SMAP2: variants seen among roughly 807,000 people sequenced by gnomAD.
SMAP2 encodes small ArfGAP2, also known as stromal membrane-associated protein 2.
In SMAP2, 25 loss-of-function variants were observed where a neutral mutation model predicts 56.4. The ratio of observed to expected loss-of-function variants is 0.44; its 90% CI spans 0.32 to 0.62. The LOEUF (loss-of-function observed/expected upper bound fraction) is 0.62. SMAP2 is among the 20% of genes least tolerant of loss of function. SMAP2 has a pLI of 0.04. For missense variants in SMAP2, 388 were observed against 545.6 expected, an observed-to-expected ratio of 0.71 and a Z score of 2.88; for synonymous variants, 157 against 181.7, an observed-to-expected ratio of 0.86 and a Z score of 1.09.
intron 1 of SMAP2, among the ~76,000 whole-genome samples, chr1:40,353,365 A>T (rs1224791133): frequency 6.6e-6 from 1 of 152,130 alleles, no homozygotes; most frequent in African/African-American, 2.4e-5. Context: ...ATAGTCACCC[A>T]GAGGGCTTCT....
At chr1:40,376,051 A>C (rs1295691393) in intron 1 of SMAP2, among the ~76,000 whole-genome samples, 4 of 152,014 alleles carry the variant, frequency 2.6e-5, no homozygotes, top group African/African-American at 9.7e-5. Flanking sequence ...CCCGGGTTCA[A>C]GTGATTCTCC....
intron 4 of SMAP2, among the ~76,000 whole-genome samples, chr1:40,411,160 T>C (rs1163193472): frequency 5.9e-5 from 9 of 152,198 alleles, no homozygotes; most frequent in Non-Finnish European, 1.3e-4. Context: ...TAGGTAAAAA[T>C]GATTCCTTCT....
In SMAP2 at chr1:40,359,911, A is replaced by G. The variant is rs114676269; in HGVS notation, c.-82-2389A>G. 3.6e-3 allele frequency among the ~76,000 whole-genome samples: 544 copies of G among 152,124 alleles called. 3 individuals carry two copies. The highest frequency in any genetic ancestry group is 0.012 in the African/African-American group (517 of 41,506). ...AAAGTTGTAATTATTATTTTTGATC[A>G]GTAAGCAATCACAGTATCTGGTTTT... On this transcript the variant is annotated intron_variant, in intron 1 of 6. Transcript: ENST00000435168.
At chr1:40,347,218 G>T (rs1400818118) in intron 1 of SMAP2, among the ~76,000 whole-genome samples, 1 of 142,842 alleles carries the variant, frequency 7.0e-6, no homozygotes, top group Non-Finnish European at 1.5e-5. Context: ...ATTTGTGTGT[G>T]TGTGTGTGTT....
chr1:40,418,639 C>T (rs1645012917), intron 9 of SMAP2, among the ~76,000 whole-genome samples: 1 of 152,176 alleles, frequency 6.6e-6, no homozygotes, highest in Non-Finnish European at 1.5e-5. Context: ...AGGGGTCCAA[C>T]CTTTTCCATA....
intron 1 of SMAP2, among the ~76,000 whole-genome samples, chr1:40,391,736 T>C (rs1024502667): frequency 7.2e-5 from 11 of 152,202 alleles, no homozygotes; most frequent in Non-Finnish European, 1.3e-4. Context: ...CTTCTAAACA[T>C]AGGCCCTTTC....
chr1:40,406,913 T>C (rs1468853411), intron 2 of SMAP2, 44 bp downstream of exon 2: 1 of 1,537,066 alleles, frequency 6.5e-7, no homozygotes, highest in Admixed American at 2.0e-5. Flanking sequence ...TATATCTATG[T>C]AAAAGGAATT....
At chr1:40,412,829 T>C (rs1294562839) in intron 4 of SMAP2, among the ~76,000 whole-genome samples, 187 bp from the exon 5 acceptor site, 1 of 152,164 alleles carries the variant, frequency 6.6e-6, no homozygotes, top group Non-Finnish European at 1.5e-5. Context: ...TCGTACAGCA[T>C]TGAGGCCAAT....
intron 9 of SMAP2, 121 bp from the exon 10 acceptor site, chr1:40,421,855 C>A: frequency 8.7e-7 from 1 of 1,154,198 alleles, no homozygotes; most frequent in Non-Finnish European, 1.3e-6. Context: ...CTGTCCATAA[C>A]AGAGTTTCCC....
At chr1:40,358,148 T>G (rs1644444891) in intron 1 of SMAP2, among the ~76,000 whole-genome samples, 1 of 152,196 alleles carries the variant, frequency 6.6e-6, no homozygotes, top group Non-Finnish European at 1.5e-5. Flanking sequence ...TTTCACTTCT[T>G]GGGTTAATTC....
At chr1:40,416,369 TG>T (rs751021133) in intron 8 of SMAP2, 28 bp downstream of exon 8, 1 of 1,601,412 alleles carries the variant, frequency 6.2e-7, no homozygotes, top group African/African-American at 1.3e-5. Context: ...CATGGCCATG[TG>T]CCAGGTAGAG....
At chr1:40,372,802 A>G (rs1181077529), upstream of SMAP2, among the ~76,000 whole-genome samples, 1 of 152,174 alleles carries the variant, frequency 6.6e-6, no homozygotes, top group Non-Finnish European at 1.5e-5. Flanking sequence ...TAAAACCACA[A>G]ATCGGATCAT....
chr1:40,393,585 G>A lies in SMAP2; in HGVS notation c.104-13151G>A, dbSNP rs888422101. 96 of 1,310,664 alleles carry A rather than the reference G, an allele frequency of 7.3e-5. 1 individual carries two copies. The highest frequency in any genetic ancestry group is 6.8e-4 in the Middle Eastern group (3 of 4,428). The allele number at this position is 1,310,664 out of a possible 1,614,324, so 81.2% of individuals were successfully genotyped here. A position where few individuals can be genotyped will look rare whatever the true frequency, so the allele number is the denominator to read the frequency against. ...TTTTGTGACAGAGTCTTGCTCTGTC[G>A]CCCAGGCTGGAGTACAGTGGCTCAA... On this transcript the variant is annotated intron_variant, in intron 1 of 9. Transcript: ENST00000372718.
Position 40,422,297 on chromosome 1 carries a change from T to C in SMAP2, c.*196T>C, listed in dbSNP as rs916743457. On this transcript the variant is annotated 3_prime_UTR_variant, in exon 10 of 10. Coordinates refer to ENST00000372718, the MANE Select transcript of SMAP2 (RefSeq NM_022733.3). Reference sequence around the variant, plus strand: ...CCTCTCTGTTGCTTTATGTTGTACATGCCCCATAGCCATCCCAACGTCCTC... The same window carrying C: ...CCTCTCTGTTGCTTTATGTTGTACACGCCCCATAGCCATCCCAACGTCCTC... The C allele has an allele frequency of 6.1e-6, 4 of 661,150 alleles. No individual in the cohort carries two copies. The highest frequency in any genetic ancestry group is 4.5e-4 in the Middle Eastern group (1 of 2,246). The allele number at this position is 661,150 out of a possible 1,614,324, so 41.0% of individuals were successfully genotyped here.
At chr1:40,412,745 A>G (rs970074357) in intron 4 of SMAP2, among the ~76,000 whole-genome samples, 10 of 152,180 alleles carry the variant, frequency 6.6e-5, no homozygotes, top group Admixed American at 1.3e-4. Context: ...GCGTCTGTAC[A>G]TAGCCTCGAC....
intron 1 of SMAP2, among the ~76,000 whole-genome samples, chr1:40,392,099 G>C (rs1402217232): frequency 6.6e-6 from 1 of 151,992 alleles, no homozygotes; most frequent in Non-Finnish European, 1.5e-5. Context: ...CATTGAAGTG[G>C]TGATTGAAAT....
At chr1:40,375,345 T>C (rs1644531380) in intron 1 of SMAP2, among the ~76,000 whole-genome samples, 1 of 152,246 alleles carries the variant, frequency 6.6e-6, no homozygotes, top group African/African-American at 2.4e-5. Context: ...GTAGTGGGCA[T>C]ATACTATAAA....
Position 40,374,069 on chromosome 1 carries a change from C to T in SMAP2, c.-52C>T, listed in dbSNP as rs1644517777. ...CTCAACCCCGGACTGAGGCAGGGGT[C>T]TCTGGGGGCGAGGAGGGCGCGTCGC... is the stretch of plus-strand genomic sequence containing the variant. On this transcript the variant is annotated 5_prime_UTR_variant, in exon 1 of 10. Transcript: ENST00000372718. This position sits in a 1 kb window ranked among gnomAD's most constrained non-coding sequence, Gnocchi z 5.9. 1 of 1,442,406 alleles carries T rather than the reference C, an allele frequency of 6.9e-7. No homozygotes were observed. The highest frequency in any genetic ancestry group is 9.6e-7 in the Non-Finnish European group (1 of 1,038,508). The allele number at this position is 1,442,406 out of a possible 1,614,324, so 89.4% of individuals were successfully genotyped here. A position where few individuals can be genotyped will look rare whatever the true frequency, so the allele number is the denominator to read the frequency against.
intron 1 of SMAP2, among the ~76,000 whole-genome samples, chr1:40,403,473 C>A (rs1644856076): frequency 6.6e-6 from 1 of 152,070 alleles, no homozygotes; most frequent in Non-Finnish European, 1.5e-5. Context: ...CCGCTGCACT[C>A]CAGCCTGGAC....
Sources: allele counts gnomAD v4.1 joint callset (sites outside exome capture counted in the v4.1 genomes callset), GRCh38; gene constraint gnomAD v4.1.1; non-coding constraint Gnocchi (gnomAD v3.1); transcripts MANE v1.5; gene names NCBI Gene and HGNC (gene_info 2026-07-23, HGNC 2026-07-21).